The following IQGAP2 variants were observed in gnomAD, a reference collection of about 807,000 sequenced individuals.
IQGAP2 encodes the protein IQ motif containing GTPase activating protein 2.
IQGAP2 carries 173 observed loss-of-function variants against 201.3 expected under a neutral mutation model. That is an observed-to-expected ratio of 0.86 (90% CI 0.76 to 0.98). The LOEUF (loss-of-function observed/expected upper bound fraction) is 0.98, where lower values mean the gene tolerates loss of function less well. Ranked by LOEUF, IQGAP2 falls within the 50% of genes least tolerant of loss-of-function variation. The pLI, the probability that IQGAP2 is intolerant of heterozygous loss-of-function variation, is 0.00. For missense variants in IQGAP2, 1,687 were observed against 1,864.8 expected, an observed-to-expected ratio of 0.90 and a Z score of 1.76; for synonymous variants, 675 against 673.9, an observed-to-expected ratio of 1.00 and a Z score of -0.03.
intron 2 of IQGAP2, among the ~76,000 whole-genome samples, chr5:76,550,830 C>T (rs1743418228): frequency 6.6e-6 from 1 of 152,270 alleles, no homozygotes; most frequent in Non-Finnish European, 1.5e-5. Context: ...ACAAAACCGC[C>T]ATCGTCATCA....
chr5:76,702,129 T>C (rs1747458241), intron 34 of IQGAP2, among the ~76,000 whole-genome samples: 1 of 152,256 alleles, frequency 6.6e-6, no homozygotes, highest in African/African-American at 2.4e-5. Flanking sequence ...ATAAAAGTTA[T>C]CATCTGAAAT....
At chr5:76,632,058 A>G (rs776744926) in intron 15 of IQGAP2, 32 bp downstream of exon 15, 62 of 1,517,644 alleles carry the variant, frequency 4.1e-5, no homozygotes, top group Non-Finnish European at 5.4e-5. Context: ...GCACAAACTA[A>G]GTATTTTAAA....
chr5:76,617,593 G>A (rs1268027126), intron 13 of IQGAP2: 2 of 1,609,738 alleles, frequency 1.2e-6, no homozygotes, highest in Non-Finnish European at 8.5e-7. Flanking sequence ...TATTTTGTAA[G>A]GTAAGCAGTG....
chr5:76,434,159 T>C (rs1488130305), intron 1 of IQGAP2, among the ~76,000 whole-genome samples: 2 of 152,198 alleles, frequency 1.3e-5, no homozygotes, highest in African/African-American at 4.8e-5. Flanking sequence ...CCTGATCCAC[T>C]TTTGAGGACC....
At chr5:76,591,842 C>T (rs1746677925) in intron 8 of IQGAP2, among the ~76,000 whole-genome samples, 1 of 152,168 alleles carries the variant, frequency 6.6e-6, no homozygotes, top group African/African-American at 2.4e-5. Flanking sequence ...TTGTCTGTGT[C>T]CCTCTGGCTT....
chr5:76,567,066 T>C (rs1456380169), intron 3 of IQGAP2, among the ~76,000 whole-genome samples: 1 of 152,162 alleles, frequency 6.6e-6, no homozygotes, highest in Non-Finnish European at 1.5e-5. Flanking sequence ...TTATAATAAA[T>C]TCTTGTCAAA....
intron 17 of IQGAP2, among the ~76,000 whole-genome samples, chr5:76,642,384 C>T (rs1026855371): frequency 6.6e-6 from 1 of 152,056 alleles, no homozygotes; most frequent in Non-Finnish European, 1.5e-5. Flanking sequence ...TCATTTGGAG[C>T]CTTTTTCCTC....
chr5:76,440,587 C>T (rs1219878705), intron 1 of IQGAP2, among the ~76,000 whole-genome samples: 1 of 152,078 alleles, frequency 6.6e-6, no homozygotes, highest in African/African-American at 2.4e-5. Flanking sequence ...ACTCATGTTA[C>T]CTGTGTCTCA....
At chr5:76,533,554 T>C (rs912865960) in intron 2 of IQGAP2, among the ~76,000 whole-genome samples, 1 of 151,918 alleles carries the variant, frequency 6.6e-6, no homozygotes, top group African/African-American at 2.4e-5. Context: ...TTTTATTTTT[T>C]TCTTGAGATG....
chr5:76,540,488 G>A (rs1277521317), intron 2 of IQGAP2, among the ~76,000 whole-genome samples: 1 of 152,166 alleles, frequency 6.6e-6, no homozygotes, highest in Admixed American at 6.5e-5. Context: ...GGCAGTGGTA[G>A]TGGGAAGGAG....
intron 30 of IQGAP2, among the ~76,000 whole-genome samples, chr5:76,691,097 G>A (rs377225990): frequency 2.4e-4 from 37 of 152,336 alleles, no homozygotes; most frequent in East Asian, 1.2e-3. Context: ...AAATCTGTCC[G>A]TCCCCGTCGT....
chr5:76,683,313 T>G (rs1020866637), intron 29 of IQGAP2, 96 bp downstream of exon 29: 6 of 719,594 alleles, frequency 8.3e-6, no homozygotes, highest in Non-Finnish European at 1.4e-5. Context: ...GATAAAACAA[T>G]TATTTTGGAA....
At chr5:76,521,185 C>A (rs1758660090) in intron 2 of IQGAP2, among the ~76,000 whole-genome samples, 2 of 152,102 alleles carry the variant, frequency 1.3e-5, no homozygotes, top group Admixed American at 1.3e-4. Context: ...TCTTTTACTG[C>A]AGTAGGTACA....
chr5:76,481,575 G>C (rs1300196919), intron 2 of IQGAP2, among the ~76,000 whole-genome samples: 3 of 151,874 alleles, frequency 2.0e-5, no homozygotes, highest in Non-Finnish European at 4.4e-5. Flanking sequence ...GTAGAGACAG[G>C]GTTTCACCAT....
intron 35 of IQGAP2, among the ~76,000 whole-genome samples, chr5:76,705,918 T>C (rs1485801895): frequency 6.6e-6 from 1 of 152,242 alleles, no homozygotes; most frequent in Non-Finnish European, 1.5e-5. Flanking sequence ...GTTTCATGCA[T>C]ATGGCTGGTG....
At chr5:76,460,554 GT>G (rs34209892) in intron 1 of IQGAP2, among the ~76,000 whole-genome samples, 34,213 of 152,046 alleles carry the variant, frequency 0.23, 4,237 homozygotes, top group African/African-American at 0.31. Context: ...TGTTCTGAGA[GT>G]TTTATGGGAG....
At chr5:76,698,403 G>T (rs1416441062) in intron 33 of IQGAP2, among the ~76,000 whole-genome samples, 2 of 152,172 alleles carry the variant, frequency 1.3e-5, no homozygotes, top group Non-Finnish European at 2.9e-5. Context: ...GCATTAGTAA[G>T]TTAGGGAAGC....
intron 17 of IQGAP2, among the ~76,000 whole-genome samples, chr5:76,652,031 T>G (rs1207824936): frequency 6.6e-6 from 1 of 152,098 alleles, no homozygotes; most frequent in Non-Finnish European, 1.5e-5. Context: ...TTGGGGTGAG[T>G]TACAAAGATG....
At chr5:76,560,403 C>T (rs1219131206) in intron 2 of IQGAP2, among the ~76,000 whole-genome samples, 1 of 151,994 alleles carries the variant, frequency 6.6e-6, no homozygotes, top group Non-Finnish European at 1.5e-5. Context: ...GCAATCCTCC[C>T]ACCTCACCCT....
Sources: gnomAD v4.1 joint callset for allele counts (sites outside exome capture counted in the v4.1 genomes callset) on GRCh38, gnomAD v4.1.1 for gene constraint, MANE v1.5 for transcripts, NCBI Gene and HGNC (gene_info 2026-07-23, HGNC 2026-07-21) for gene names.